MACROD2: variants seen among roughly 807,000 people sequenced by gnomAD.
MACROD2 encodes the protein ADP-ribose glycohydrolase MACROD2.
A neutral mutation model predicts 70.4 loss-of-function variants in MACROD2; 36 were observed. The observed-to-expected ratio is 0.51, with a 90% CI of 0.39 to 0.68. The LOEUF is 0.68. MACROD2 is among the 30% of genes least tolerant of loss of function. The pLI is 0.00. For missense variants in MACROD2, 496 were observed against 538.4 expected, an observed-to-expected ratio of 0.92 and a Z score of 0.78; for synonymous variants, 172 against 178.8, an observed-to-expected ratio of 0.96 and a Z score of 0.30.
chr20:14,510,176 G>A (rs1433764740), intron 4 of MACROD2, among the ~76,000 whole-genome samples: 4 of 151,950 alleles, frequency 2.6e-5, no homozygotes, highest in South Asian at 2.1e-4. Context: ...TTATGGCAGC[G>A]TTTGGAACTA....
intron 8 of MACROD2, among the ~76,000 whole-genome samples, chr20:15,676,688 T>C (rs2050061725): frequency 1.3e-5 from 2 of 152,226 alleles, no homozygotes; most frequent in Admixed American, 1.3e-4. Context: ...TCTTGTTAAA[T>C]GTGAGCAGCT....
At chr20:14,564,900 G>A (rs754161045) in intron 4 of MACROD2, among the ~76,000 whole-genome samples, 2 of 151,860 alleles carry the variant, frequency 1.3e-5, no homozygotes, top group Non-Finnish European at 2.9e-5. Flanking sequence ...GCTTATTGCA[G>A]CACCATTCAC....
intron 6 of MACROD2, among the ~76,000 whole-genome samples, chr20:15,344,544 GT>G (rs1361651091): frequency 2.6e-5 from 4 of 152,104 alleles, no homozygotes; most frequent in Non-Finnish European, 4.4e-5. Context: ...CTGAGGCCCA[GT>G]TTTTTTCGTA....
At chr20:14,062,589 T>C (rs1305083860) in intron 2 of MACROD2, among the ~76,000 whole-genome samples, 1 of 152,152 alleles carries the variant, frequency 6.6e-6, no homozygotes, top group Non-Finnish European at 1.5e-5. Flanking sequence ...GGGTAAGTTG[T>C]AGAAAAGGAG....
chr20:16,013,997 A>T (rs891684668), intron 15 of MACROD2, among the ~76,000 whole-genome samples: 1 of 152,220 alleles, frequency 6.6e-6, no homozygotes, highest in Non-Finnish European at 1.5e-5. Flanking sequence ...TTTAACTGCG[A>T]CATTTAACTT....
In MACROD2 at chr20:15,403,150, T is replaced by C. The variant is rs187668014; in HGVS notation, c.541-28255T>C. On this transcript the variant is annotated intron_variant, in intron 6 of 17. Transcript: ENST00000684519. Reference sequence around the variant, plus strand: ...CCCAGCTAATTTTTTGTATTTTGAGTAGAGACGGGGTTTCACTATGTTGGC... The same window carrying C: ...CCCAGCTAATTTTTTGTATTTTGAGCAGAGACGGGGTTTCACTATGTTGGC... 1.9e-3 allele frequency among the ~76,000 whole-genome samples: 292 copies of C among 152,084 alleles called. 1 individual carries two copies. The highest frequency in any genetic ancestry group is 3.1e-3 in the Non-Finnish European group (214 of 67,976).
chr20:15,459,446 G>A (rs2046778363), intron 7 of MACROD2, among the ~76,000 whole-genome samples: 1 of 152,196 alleles, frequency 6.6e-6, no homozygotes, highest in Non-Finnish European at 1.5e-5. Flanking sequence ...CATATTAATG[G>A]CAGCCTTTTT....
intron 5 of MACROD2, among the ~76,000 whole-genome samples, chr20:14,815,510 C>T (rs1405881028): frequency 2.0e-5 from 3 of 151,840 alleles, no homozygotes; most frequent in South Asian, 2.1e-4. Flanking sequence ...TGTGTGTGCA[C>T]GCACATGTGC....
At chr20:14,542,955 A>G (rs957872126) in intron 4 of MACROD2, among the ~76,000 whole-genome samples, 1 of 150,062 alleles carries the variant, frequency 6.7e-6, no homozygotes, top group African/African-American at 2.5e-5. Context: ...AAATTATTAT[A>G]ATTTTCAGAT....
chr20:14,115,508 C>T (rs949356156), intron 3 of MACROD2, among the ~76,000 whole-genome samples: 3 of 152,154 alleles, frequency 2.0e-5, no homozygotes, highest in Non-Finnish European at 4.4e-5. Context: ...AGTGAGAAAT[C>T]TTGTCTTTTT....
intron 7 of MACROD2, 83 bp downstream of exon 7, chr20:15,431,518 C>A: frequency 7.9e-7 from 1 of 1,271,046 alleles, no homozygotes; most frequent in Non-Finnish European, 1.1e-6. Context: ...ATAAGAGGTT[C>A]TCTGATGAAT....
chr20:15,223,637 C>T (rs1212259527), intron 5 of MACROD2, among the ~76,000 whole-genome samples: 1 of 152,154 alleles, frequency 6.6e-6, no homozygotes, highest in Non-Finnish European at 1.5e-5. Context: ...CTGAGAACTC[C>T]ATACTGGTAA....
rs565484612 is a variant in MACROD2, at chr20:15,011,318, G to A, written c.419-218622G>A. Among the ~76,000 whole-genome samples, 13 of 152,248 alleles carry A rather than the reference G, an allele frequency of 8.5e-5. No individual in the cohort carries two copies. In the East Asian group the frequency reaches 1.2e-3, roughly 14 times the overall value. On this transcript the variant is annotated intron_variant, in intron 5 of 17. Coordinates refer to ENST00000684519, the MANE Select transcript of MACROD2 (RefSeq NM_001351661.2). ...AGAGAGAAGGAAAGAGAGAGGAATC[G>A]GGGTGGGGTAAGAAATACAGAGAGA...
intron 5 of MACROD2, among the ~76,000 whole-genome samples, chr20:14,769,341 C>T (rs1408795157): frequency 6.6e-6 from 1 of 152,122 alleles, no homozygotes; most frequent in East Asian, 1.9e-4. Flanking sequence ...AGAATCTCTT[C>T]TGTCTTGGCA....
At chr20:15,557,704 T>G (rs1241129622) in intron 8 of MACROD2, among the ~76,000 whole-genome samples, 1 of 152,204 alleles carries the variant, frequency 6.6e-6, no homozygotes, top group African/African-American at 2.4e-5. Flanking sequence ...GTCTCAGAGT[T>G]TATCTTTCTG....
intron 3 of MACROD2, among the ~76,000 whole-genome samples, chr20:14,457,865 C>T (rs547454943): frequency 1.3e-5 from 2 of 152,060 alleles, no homozygotes; most frequent in African/African-American, 4.8e-5. Flanking sequence ...TTTGGGAGGC[C>T]GAGGTGGGTG....
intron 4 of MACROD2, among the ~76,000 whole-genome samples, chr20:14,610,673 C>T (rs1056560480): frequency 6.6e-6 from 1 of 151,922 alleles, no homozygotes; most frequent in Non-Finnish European, 1.5e-5. Context: ...TCTGGAAATA[C>T]AGTATGACAG....
intron 8 of MACROD2, among the ~76,000 whole-genome samples, chr20:15,737,232 C>T (rs1260335248): frequency 6.6e-6 from 1 of 152,192 alleles, no homozygotes; most frequent in Non-Finnish European, 1.5e-5. Flanking sequence ...AAAGTAATTA[C>T]AGGGCATCCA....
chr20:15,094,184 C>T (rs2075812293), intron 5 of MACROD2, among the ~76,000 whole-genome samples: 1 of 152,130 alleles, frequency 6.6e-6, no homozygotes, highest in South Asian at 2.1e-4. Context: ...GCTTTGATTC[C>T]TCTTATTTGC....
Sources: allele counts gnomAD v4.1 joint callset (sites outside exome capture counted in the v4.1 genomes callset), GRCh38; gene constraint gnomAD v4.1.1; transcripts MANE v1.5; gene names NCBI Gene and HGNC (gene_info 2026-07-23, HGNC 2026-07-21).